OPCML: variants seen among roughly 807,000 people sequenced by gnomAD.
The protein encoded by OPCML is opioid-binding protein/cell adhesion molecule.
In OPCML, 13 loss-of-function variants were observed where a neutral mutation model predicts 37.8. The observed-to-expected ratio is 0.34, with a 90% CI of 0.22 to 0.55. The LOEUF (loss-of-function observed/expected upper bound fraction) is 0.55, where lower values mean the gene tolerates loss of function less well. Ranked by LOEUF, OPCML falls within the 20% of genes least tolerant of loss-of-function variation. The probability of loss-of-function intolerance (pLI) is 0.91; values close to 1 mark genes in which losing one functional copy is unlikely to be tolerated. For synonymous variants in OPCML, 176 were observed against 168.8 expected (o/e 1.04, Z -0.33); for missense variants, 341 against 435.6 (o/e 0.78, Z 1.93).
Position 132,623,601 on chromosome 11 carries a change from G to A in OPCML, c.379+33486C>T, listed in dbSNP as rs1939561080. On this transcript the variant is annotated intron_variant, in intron 3 of 7. Transcript: ENST00000524381. Reference sequence around the variant, plus strand: ...ATTTTATTATATACACTGTTTTAACGAGAAAATCTGGAAGGGCTGGGTATC... The same window carrying A: ...ATTTTATTATATACACTGTTTTAACAAGAAAATCTGGAAGGGCTGGGTATC... Among the ~76,000 whole-genome samples, 2 of 152,118 alleles carry A rather than the reference G, an allele frequency of 1.3e-5. 1 individual carries two copies. Among genetic ancestry groups the A allele is most frequent in the East Asian group, 3.9e-4 (2 of 5,170 alleles).
rs192703722 is a variant in OPCML, at chr11:133,401,079, A to G, written c.61+131185T>C. Reference sequence around the variant, plus strand: ...GCAGCAATTTCCCCAAGTTTAGAGCAGAAAAGTCACTGAAAAATAAATACC... The same window carrying G: ...GCAGCAATTTCCCCAAGTTTAGAGCGGAAAAGTCACTGAAAAATAAATACC... On this transcript the variant is annotated intron_variant, in intron 1 of 7. Transcript: ENST00000524381. 1.1e-4 allele frequency among the ~76,000 whole-genome samples: 16 copies of G among 152,350 alleles called. No homozygotes were observed. In the East Asian group the frequency reaches 1.5e-3, roughly 15 times the overall value.
intron 1 of OPCML, among the ~76,000 whole-genome samples, chr11:133,314,196 C>G: frequency 7.3e-6 from 1 of 137,842 alleles, no homozygotes. Flanking sequence ...GATCGCGCCA[C>G]TGCACTCCAG....
At chr11:132,473,198 C>G (rs527802824) in intron 4 of OPCML, among the ~76,000 whole-genome samples, 1 of 152,176 alleles carries the variant, frequency 6.6e-6, no homozygotes, top group South Asian at 2.1e-4. Flanking sequence ...GGGCAGATTC[C>G]CAGCCAATGT....
At chr11:132,553,139 G>A (rs954627989) in intron 3 of OPCML, among the ~76,000 whole-genome samples, 3 of 152,058 alleles carry the variant, frequency 2.0e-5, no homozygotes, top group Non-Finnish European at 4.4e-5. Context: ...TTCAACTTAC[G>A]GTCTTTACCC....
intron 3 of OPCML, among the ~76,000 whole-genome samples, chr11:132,592,293 C>A (rs2096485706): frequency 6.6e-6 from 1 of 152,164 alleles, no homozygotes; most frequent in Non-Finnish European, 1.5e-5. Flanking sequence ...TGGACCAGTT[C>A]ATTGCTGTAC....
chr11:133,285,784 CCTAA>C (rs1380579460), intron 1 of OPCML, among the ~76,000 whole-genome samples: 6 of 152,146 alleles, frequency 3.9e-5, no homozygotes, highest in Non-Finnish European at 8.8e-5. Flanking sequence ...TAGAATCTCT[CCTAA>C]CTAATGGAAG....
At chr11:133,073,797 C>T (rs1948581828) in intron 1 of OPCML, among the ~76,000 whole-genome samples, 1 of 152,146 alleles carries the variant, frequency 6.6e-6, no homozygotes, top group South Asian at 2.1e-4. Context: ...TTTATTGACC[C>T]AGATACACGG....
intron 1 of OPCML, chr11:133,067,540 A>G (rs978296883): frequency 6.6e-6 from 1 of 152,218 alleles, no homozygotes. Context: ...GGAACAAACC[A>G]TAGGCTGAAG....
chr11:133,127,016 T>C (rs1949527757), intron 1 of OPCML, among the ~76,000 whole-genome samples: 2 of 152,184 alleles, frequency 1.3e-5, no homozygotes. Context: ...GCCAGCTCTA[T>C]TGACACTACC....
At position 132,418,393 on chromosome 11, in the gene OPCML, A is replaced by T. The variant is rs1253425554; in HGVS notation, c.*1800T>A. On this transcript the variant is annotated 3_prime_UTR_variant, in exon 8 of 8. Coordinates refer to ENST00000524381, the MANE Select transcript of OPCML (RefSeq NM_001012393.5). ...CTCGTCCCAGGAGACAAGACAGCAA[A>T]GGTGGCTCAGCTCTTGTTTGTATGC... The T allele has an allele frequency of 6.6e-6, 1 of 152,402 alleles. No homozygotes were observed. Among genetic ancestry groups the T allele is most frequent in the Admixed American group, 6.5e-5 (1 of 15,276 alleles). 9.4% of individuals were successfully genotyped at this position (152,402 alleles called of 1,614,324 possible).
intron 1 of OPCML, chr11:133,004,930 C>G: frequency 2.0e-6 from 2 of 985,380 alleles, no homozygotes; most frequent in Non-Finnish European, 2.4e-6. Flanking sequence ...CCATTGCCTG[C>G]CCCTTCCCTC....
At chr11:133,468,186 C>T (rs570542370) in intron 1 of OPCML, among the ~76,000 whole-genome samples, 6 of 152,278 alleles carry the variant, frequency 3.9e-5, no homozygotes, top group African/African-American at 9.6e-5. Flanking sequence ...GGCAATGGCA[C>T]GGTTTCCAGG....
chr11:133,525,271 C>T (rs1591599255), intron 1 of OPCML, among the ~76,000 whole-genome samples: 2 of 152,176 alleles, frequency 1.3e-5, no homozygotes, highest in South Asian at 4.2e-4. Context: ...GGATGTGTAG[C>T]CAGAAAAAAT....
chr11:133,373,788 T>A (rs2136758922), intron 1 of OPCML, among the ~76,000 whole-genome samples: 1 of 152,314 alleles, frequency 6.6e-6, no homozygotes, highest in Admixed American at 6.5e-5. Flanking sequence ...ATAAGCTGCC[T>A]TTTCTCTTAT....
At chr11:133,014,864 T>C (rs1420603554) in intron 1 of OPCML, among the ~76,000 whole-genome samples, 2 of 152,244 alleles carry the variant, frequency 1.3e-5, no homozygotes. Context: ...ACTGTCCTAG[T>C]ATTGGTGCCG....
At chr11:132,780,191 G>C (rs1946955715) in intron 2 of OPCML, among the ~76,000 whole-genome samples, 1 of 152,200 alleles carries the variant, frequency 6.6e-6, no homozygotes, top group Non-Finnish European at 1.5e-5. Flanking sequence ...CTGACCCTCT[G>C]TACTGGACAT....
intron 1 of OPCML, among the ~76,000 whole-genome samples, chr11:133,403,708 A>C (rs1374574099): frequency 1.3e-5 from 2 of 152,218 alleles, no homozygotes; most frequent in Non-Finnish European, 2.9e-5. Flanking sequence ...AATTGAAAGG[A>C]AATTGGCAAG....
intron 2 of OPCML, among the ~76,000 whole-genome samples, chr11:132,888,741 A>G (rs1943522263): frequency 6.6e-6 from 1 of 152,204 alleles, no homozygotes; most frequent in African/African-American, 2.4e-5. Flanking sequence ...GTGTAAAGGC[A>G]TAAGAATGGG....
intron 1 of OPCML, among the ~76,000 whole-genome samples, chr11:133,125,656 A>G (rs145761675): frequency 9.9e-6 from 1 of 100,948 alleles, no homozygotes; most frequent in Admixed American, 1.2e-4. Flanking sequence ...GTGTCTATAT[A>G]TACATGTATA....
Sources: allele counts gnomAD v4.1 joint callset (sites outside exome capture counted in the v4.1 genomes callset), GRCh38; gene constraint gnomAD v4.1.1; transcripts MANE v1.5; gene names NCBI Gene and HGNC (gene_info 2026-07-23, HGNC 2026-07-21).